RNFT2: variants seen among roughly 807,000 people sequenced by gnomAD.
The protein encoded by RNFT2 is ring finger protein, transmembrane 2.
Under a neutral mutation model 53.0 loss-of-function variants are expected in RNFT2, and 36 were observed. That is an observed-to-expected ratio of 0.68 (90% CI 0.52 to 0.90). The LOEUF (loss-of-function observed/expected upper bound fraction) is 0.90, where lower values mean the gene tolerates loss of function less well. RNFT2 is among the 40% of genes least tolerant of loss of function. The probability of loss-of-function intolerance (pLI) is 0.00; values close to 1 mark genes in which losing one functional copy is unlikely to be tolerated. For missense variants in RNFT2, 514 were observed against 585.6 expected (o/e 0.88, Z 1.26); for synonymous variants, 260 against 253.2 (o/e 1.03, Z -0.26).
chr12:116,843,507 A>G (rs1877457193), intron 10 of RNFT2, among the ~76,000 whole-genome samples: 1 of 149,926 alleles, frequency 6.7e-6, no homozygotes, highest in South Asian at 2.1e-4. Context: ...AAAAAAAAAA[A>G]AAAAAAAACC....
chr12:116,800,744 G>A (rs1245988206), intron 7 of RNFT2, among the ~76,000 whole-genome samples: 1 of 151,702 alleles, frequency 6.6e-6, no homozygotes, highest in Admixed American at 6.6e-5. Flanking sequence ...AGCCTGGGAG[G>A]TGGAGGTTGC....
intron 1 of RNFT2, among the ~76,000 whole-genome samples, chr12:116,739,218 A>G (rs1180490463): frequency 6.6e-6 from 1 of 152,210 alleles, no homozygotes; most frequent in Admixed American, 6.5e-5. Flanking sequence ...ATATTCACGG[A>G]GGCTAAACCT....
Position 116,776,700 on chromosome 12 carries a change from C to G in RNFT2, c.729-2495C>G, listed in dbSNP as rs1156348333. On this transcript the variant is annotated intron_variant, in intron 6 of 10. Coordinates refer to ENST00000257575, the MANE Select transcript of RNFT2 (RefSeq NM_001382266.1). Reference sequence around the variant, plus strand: ...GAGTATTTCCAAAGCATATAGAAAGCATCCATTCTATGCTGAGTGTACTTC... The same window carrying G: ...GAGTATTTCCAAAGCATATAGAAAGGATCCATTCTATGCTGAGTGTACTTC... Among the ~76,000 whole-genome samples the G allele has an allele frequency of 3.9e-5, 6 of 152,298 alleles. No homozygotes were observed. In the East Asian group the frequency reaches 1.2e-3, roughly 29 times the overall value.
chr12:116,825,911 C>A (rs1016120052), intron 7 of RNFT2, among the ~76,000 whole-genome samples: 1 of 151,870 alleles, frequency 6.6e-6, no homozygotes, highest in Non-Finnish European at 1.5e-5. Flanking sequence ...CCTGCCTCCA[C>A]AGATGAAAAA....
intron 10 of RNFT2, among the ~76,000 whole-genome samples, chr12:116,846,193 A>G (rs940759416): frequency 6.6e-6 from 1 of 152,178 alleles, no homozygotes; most frequent in Non-Finnish European, 1.5e-5. Flanking sequence ...TAAGATAATA[A>G]TCATTATTAC....
At chr12:116,760,666 T>C (rs888551786) in intron 5 of RNFT2, among the ~76,000 whole-genome samples, 2 of 152,122 alleles carry the variant, frequency 1.3e-5, no homozygotes, top group Non-Finnish European at 2.9e-5. Flanking sequence ...ACTTCCGCAG[T>C]TGGGGCATTC....
chr12:116,740,818 C>G (rs765959069), intron 2 of RNFT2: 2 of 625,370 alleles, frequency 3.2e-6, no homozygotes, highest in South Asian at 3.8e-5. Flanking sequence ...TCTCATCGTC[C>G]TCCTCTGTGA....
intron 7 of RNFT2, among the ~76,000 whole-genome samples, chr12:116,821,516 T>C (rs1876022277): frequency 6.6e-6 from 1 of 152,226 alleles, no homozygotes; most frequent in Admixed American, 6.5e-5. Context: ...AACATGTCTT[T>C]GTTTTCAGTT....
chr12:116,842,699 G>A (rs1027742088), intron 10 of RNFT2, among the ~76,000 whole-genome samples: 1 of 151,986 alleles, frequency 6.6e-6, no homozygotes, highest in Non-Finnish European at 1.5e-5. Context: ...TCAGCCTCCC[G>A]AATAGCTTGG....
intron 7 of RNFT2, among the ~76,000 whole-genome samples, chr12:116,813,435 C>T (rs1875486783): frequency 6.6e-6 from 1 of 152,200 alleles, no homozygotes; most frequent in African/African-American, 2.4e-5. Flanking sequence ...CTCCCCAGCC[C>T]CATCTGGCTG....
rs1876816136 is a variant in RNFT2 at position 116,833,844 on chromosome 12, T to C, written c.935T>C (p.Val312Ala). 2 of 1,613,388 alleles carry C rather than the reference T, an allele frequency of 1.2e-6. No homozygotes were observed. Among genetic ancestry groups the C allele is most frequent in the South Asian group, 2.2e-5 (2 of 90,956 alleles). Residue 312 changes from valine to alanine, a missense_variant, in exon 8 of 11, where the codon GTC (valine) becomes GCC (alanine). Around this residue, in one of 3 missense-constraint regions of RNFT2, gnomAD observed 273 missense variants for 334.4 expected, o/e 0.82. Coordinates refer to ENST00000257575, the MANE Select transcript of RNFT2 (RefSeq NM_001382266.1). Reference protein sequence around the residue: ...EELSQLFRSLVPIQLWYKYIM... With the variant: ...EELSQLFRSLAPIQLWYKYIM... ...CTGAGCCAGCTGTTCCGATCCCTTG[T>C]CCCCATCCAGCTGTGGTACAAATAC... is the stretch of plus-strand genomic sequence containing the variant.
chr12:116,841,854 TA>T (rs1375962760), intron 10 of RNFT2, among the ~76,000 whole-genome samples: 19 of 30,178 alleles, frequency 6.3e-4, no homozygotes, highest in Non-Finnish European at 2.2e-4. Flanking sequence ...TAAATATATA[TA>T]AAAATATATA....
In RNFT2 at chr12:116,849,477, C is replaced by T. The variant is rs199994553; in HGVS notation, c.*29C>T. 246 of 1,562,064 alleles carry T rather than the reference C, an allele frequency of 1.6e-4. No homozygotes were observed. Among genetic ancestry groups the T allele is most frequent in the South Asian group, 2.0e-4 (17 of 86,750 alleles). On this transcript the variant is annotated 3_prime_UTR_variant, in exon 11 of 11. Transcript: ENST00000257575. The stretch of plus-strand genomic sequence containing the variant: ...CGAACACTGAGGACACCCAGAAGGA[C>T]GCCAAGGGTCAGCATGCCCGGACCC...
chr12:116,836,943 A>AT (rs1290139111), intron 10 of RNFT2, among the ~76,000 whole-genome samples: 4 of 152,110 alleles, frequency 2.6e-5, no homozygotes, highest in Non-Finnish European at 5.9e-5. Flanking sequence ...GAAAAAAAAA[A>AT]GGACATAATA....
At chr12:116,847,816 C>T (rs1565877853) in intron 10 of RNFT2, among the ~76,000 whole-genome samples, 2 of 152,100 alleles carry the variant, frequency 1.3e-5, no homozygotes, top group Admixed American at 6.5e-5. Context: ...TGTGAGCCAC[C>T]GCGCCTGGCC....
chr12:116,816,271 G>T (rs1006708160), intron 7 of RNFT2, among the ~76,000 whole-genome samples: 5 of 152,078 alleles, frequency 3.3e-5, no homozygotes, highest in African/African-American at 1.2e-4. Flanking sequence ...GGCCCTTCCT[G>T]TTCATGGGGC....
At chr12:116,838,095 A>G (rs770394996) in intron 10 of RNFT2, among the ~76,000 whole-genome samples, 1 of 152,120 alleles carries the variant, frequency 6.6e-6, no homozygotes, top group Non-Finnish European at 1.5e-5. Context: ...TTAAAACTCT[A>G]TCTTAGAGAT....
chr12:116,852,167 CTTA>C lies in RNFT2; in HGVS notation c.*2722_*2724del. The C allele has an allele frequency of 8.7e-7, 1 of 1,147,730 alleles. No homozygotes were observed. Among genetic ancestry groups the C allele is most frequent in the South Asian group, 2.1e-5 (1 of 48,644 alleles). The allele number at this position is 1,147,730 out of a possible 1,614,324, so 71.1% of individuals were successfully genotyped here. A position where few individuals can be genotyped will look rare whatever the true frequency, so the allele number is the denominator to read the frequency against. On this transcript the variant is annotated 3_prime_UTR_variant, in exon 11 of 11. Transcript: ENST00000257575. ...CTATTCCTCCTCCCAAGTCTGTTCT[CTTA>C]TTGTCAACCTCAGCACAACAGGCTG...
intron 3 of RNFT2, among the ~76,000 whole-genome samples, chr12:116,745,946 G>C (rs936377379): frequency 5.3e-4 from 80 of 152,062 alleles, no homozygotes; most frequent in African/African-American, 1.8e-3. Flanking sequence ...AATCACTGTA[G>C]CGGGGGGCAG....
Sources: allele counts gnomAD v4.1 joint callset (sites outside exome capture counted in the v4.1 genomes callset), GRCh38; gene constraint gnomAD v4.1.1; regional missense constraint gnomAD v4.1.1; transcripts MANE v1.5; gene names NCBI Gene and HGNC (gene_info 2026-07-23, HGNC 2026-07-21).